The following SND1 variants were observed in gnomAD, a reference collection of about 807,000 sequenced individuals.
The protein encoded by SND1 is staphylococcal nuclease and tudor domain containing 1, also known as staphylococcal nuclease domain-containing protein 1.
Under a neutral mutation model 121.7 loss-of-function variants are expected in SND1, and 38 were observed. The observed-to-expected ratio is 0.31, with a 90% CI of 0.24 to 0.41. SND1 has a LOEUF of 0.41. Among genes scored for constraint, SND1 ranks in the 10% least tolerant of loss-of-function variants. SND1 has a pLI of 1.00. For missense variants in SND1, 868 were observed against 1,184.6 expected, an observed-to-expected ratio of 0.73 and a Z score of 3.92; for synonymous variants, 401 against 447.4, an observed-to-expected ratio of 0.90 and a Z score of 1.31.
intron 14 of SND1, among the ~76,000 whole-genome samples, chr7:127,914,059 G>A (rs1800516901): frequency 6.6e-6 from 1 of 152,094 alleles, no homozygotes; most frequent in South Asian, 2.1e-4. Flanking sequence ...TTCAGCAAAT[G>A]GTGTTCTCAG....
At chr7:127,658,711 A>C (rs3808111) in intron 1 of SND1, among the ~76,000 whole-genome samples, 1 of 152,216 alleles carries the variant, frequency 6.6e-6, no homozygotes, top group African/African-American at 2.4e-5. Context: ...GCTCATTAAC[A>C]TGAGTGGGAA....
At chr7:127,913,141 G>A (rs2116783115) in intron 14 of SND1, among the ~76,000 whole-genome samples, 1 of 152,252 alleles carries the variant, frequency 6.6e-6, no homozygotes, top group Non-Finnish European at 1.5e-5. Context: ...GAGCTGCCCA[G>A]AGGTGGAGCA....
intron 16 of SND1, among the ~76,000 whole-genome samples, chr7:128,004,929 T>C (rs1036869534): frequency 1.3e-5 from 2 of 152,230 alleles, no homozygotes; most frequent in African/African-American, 4.8e-5. Flanking sequence ...GACAGGCCTG[T>C]GCCCTAGCTG....
At chr7:128,020,419 C>T (rs539530261) in intron 16 of SND1, among the ~76,000 whole-genome samples, 5 of 152,306 alleles carry the variant, frequency 3.3e-5, no homozygotes, top group East Asian at 1.9e-4. Flanking sequence ...TGCGCTAGGT[C>T]GCGAACCCAG....
At chr7:127,839,402 C>T (rs1279326503) in intron 11 of SND1, among the ~76,000 whole-genome samples, 1 of 152,166 alleles carries the variant, frequency 6.6e-6, no homozygotes, top group Admixed American at 6.5e-5. Context: ...TAAGCTCAGG[C>T]TACAACCTGG....
At position 127,652,302 on chromosome 7, in the gene SND1, C is replaced by T. The variant is rs1795134339; in HGVS notation, c.-72C>T. On this transcript the variant is annotated 5_prime_UTR_variant, in exon 1 of 24. Transcript: ENST00000354725. ...TGCCCCTCGCCTCGACTCCCTTTCACCAACACCGACACCCACATTGACACC... is the reference window on the plus strand; with the variant it reads ...TGCCCCTCGCCTCGACTCCCTTTCATCAACACCGACACCCACATTGACACC... 1 of 1,330,042 alleles carries T rather than the reference C, an allele frequency of 7.5e-7. No homozygotes were observed. The highest frequency in any genetic ancestry group is 1.1e-6 in the Non-Finnish European group (1 of 944,104). 82.4% of individuals were successfully genotyped at this position (1,330,042 alleles called of 1,614,324 possible).
chr7:127,852,359 G>A (rs1013683775), intron 12 of SND1, among the ~76,000 whole-genome samples: 1 of 150,390 alleles, frequency 6.6e-6, no homozygotes, highest in Admixed American at 6.6e-5. Context: ...CAGGGTGTGG[G>A]CACCTATAAT....
intron 7 of SND1, among the ~76,000 whole-genome samples, 167 bp downstream of exon 7, chr7:127,703,490 G>C (rs1796139431): frequency 6.6e-6 from 1 of 152,224 alleles, no homozygotes; most frequent in Non-Finnish European, 1.5e-5. Flanking sequence ...AAGGCGGGTG[G>C]ATCACGAAGT....
intron 15 of SND1, among the ~76,000 whole-genome samples, chr7:127,951,505 A>G (rs1470825633): frequency 6.6e-6 from 1 of 152,210 alleles, no homozygotes; most frequent in African/African-American, 2.4e-5. Flanking sequence ...TCTGCTGTAC[A>G]ATATTGTGCC....
chr7:127,834,705 G>A (rs1458579277), intron 11 of SND1, among the ~76,000 whole-genome samples: 1 of 152,180 alleles, frequency 6.6e-6, no homozygotes, highest in African/African-American at 2.4e-5. Flanking sequence ...ATATACACAA[G>A]TGCTATATCC....
In SND1 at chr7:127,711,228, C is replaced by T. The variant is rs540358024; in HGVS notation, c.1038+3581C>T. The stretch of plus-strand genomic sequence containing the variant: ...GATTGGAGCTAGGATTGCTGGATCT[C>T]ACAGCTTTCTCTTTATAATTTGCAA... On this transcript the variant is annotated intron_variant, in intron 9 of 23. Coordinates refer to ENST00000354725, the MANE Select transcript of SND1 (RefSeq NM_014390.4). 3.3e-5 allele frequency among the ~76,000 whole-genome samples: 5 copies of T among 152,282 alleles called. No individual in the cohort carries two copies. In the South Asian group the frequency reaches 1.0e-3, roughly 32 times the overall value.
chr7:127,918,055 C>CTTTTTTTTTTTTTTTTTTTTT, intron 14 of SND1, among the ~76,000 whole-genome samples: 1 of 142,382 alleles, frequency 7.0e-6, no homozygotes, highest in Non-Finnish European at 1.5e-5. Context: ...TAGATTTTTT[C>CTTTTTTTTTTTTTTTTTTTTT]TTTTTTTTTT....
chr7:127,863,094 A>C (rs1435999300), intron 12 of SND1, among the ~76,000 whole-genome samples: 1 of 152,218 alleles, frequency 6.6e-6, no homozygotes, highest in African/African-American at 2.4e-5. Flanking sequence ...GGAGTGACAT[A>C]ACTAGGCCAA....
chr7:127,686,644 G>T lies in SND1; in HGVS notation c.110G>T (p.Gly37Val). The T allele has an allele frequency of 6.2e-7, 1 of 1,614,068 alleles. No individual in the cohort carries two copies. The highest frequency in any genetic ancestry group is 8.5e-7 in the Non-Finnish European group (1 of 1,179,990). Reference protein sequence around the residue: ...VLSGCAIIVRGQPRGGPPPER... With the variant: ...VLSGCAIIVRVQPRGGPPPER... The stretch of plus-strand genomic sequence containing the variant: ...TCAGGGTGCGCCATCATTGTCCGAG[G>T]TCAGCCTCGTGGTGGGCCTCCTCCT... The change falls in exon 2 of 24, where the codon GGT (glycine) becomes GTT (valine). Residue 37 changes from glycine (G) to valine (V), a missense_variant. Around this residue, in one of 2 missense-constraint regions of SND1, gnomAD observed 125 missense variants for 113.3 expected, o/e 1.10. Transcript: ENST00000354725.
intron 14 of SND1, among the ~76,000 whole-genome samples, chr7:127,924,153 A>C (rs1378523952): frequency 6.6e-6 from 1 of 152,066 alleles, no homozygotes; most frequent in Non-Finnish European, 1.5e-5. Context: ...ACATCCTGGG[A>C]TGGGCAGTAG....
intron 17 of SND1, among the ~76,000 whole-genome samples, chr7:128,077,636 C>T (rs946320927): frequency 1.3e-5 from 2 of 152,238 alleles, no homozygotes; most frequent in African/African-American, 2.4e-5. Flanking sequence ...ACACTTCCCC[C>T]ACCTGACCGC....
intron 11 of SND1, among the ~76,000 whole-genome samples, chr7:127,829,556 C>T (rs1380770744): frequency 6.6e-6 from 1 of 152,150 alleles, no homozygotes; most frequent in East Asian, 1.9e-4. Context: ...TCAACTGATT[C>T]TCAACACACT....
At chr7:127,672,384 C>T (rs758433441) in intron 1 of SND1, among the ~76,000 whole-genome samples, 2 of 151,978 alleles carry the variant, frequency 1.3e-5, no homozygotes, top group Non-Finnish European at 2.9e-5. Flanking sequence ...AGGAGGCAGG[C>T]AGATTACTTG....
At chr7:127,953,704 G>A (rs147092852) in intron 15 of SND1, among the ~76,000 whole-genome samples, 6 of 152,264 alleles carry the variant, frequency 3.9e-5, no homozygotes, top group African/African-American at 9.6e-5. Flanking sequence ...GTTTTTCCTC[G>A]TTCATTCCAC....
Sources: allele counts gnomAD v4.1 joint callset (sites outside exome capture counted in the v4.1 genomes callset), GRCh38; gene constraint gnomAD v4.1.1; regional missense constraint gnomAD v4.1.1; transcripts MANE v1.5; gene names NCBI Gene and HGNC (gene_info 2026-07-23, HGNC 2026-07-21).